INPP4B: variants seen among roughly 807,000 people sequenced by gnomAD.
The protein encoded by INPP4B is inositol polyphosphate 4-phosphatase type II.
INPP4B carries 55 observed loss-of-function variants against 122.5 expected under a neutral mutation model. The ratio of observed to expected loss-of-function variants is 0.45; its 90% CI spans 0.36 to 0.56. The LOEUF (loss-of-function observed/expected upper bound fraction) is 0.56. INPP4B is among the 20% of genes least tolerant of loss of function. The probability of loss-of-function intolerance (pLI) is 0.00; values close to 1 mark genes in which losing one functional copy is unlikely to be tolerated. For missense variants in INPP4B, 1,000 were observed against 1,097.7 expected (o/e 0.91, Z 1.26); for synonymous variants, 403 against 388.7 (o/e 1.04, Z -0.43).
intron 1 of INPP4B, among the ~76,000 whole-genome samples, chr4:142,820,774 T>C (rs1780705688): frequency 6.6e-6 from 1 of 152,142 alleles, no homozygotes; most frequent in African/African-American, 2.4e-5. Flanking sequence ...ATGATTGCAA[T>C]GTATTGTAAC....
rs537076416 is a variant in INPP4B at position 142,264,679 on chromosome 4, T to C, written c.616-4115A>G. On this transcript the variant is annotated intron_variant, in intron 10 of 25. Coordinates refer to ENST00000262992, the MANE Select transcript of INPP4B (RefSeq NM_001101669.3). ...AAGAAAGAGTTTGGATTTTCACTTA[T>C]ATTTTATTCCATGCTCTGGAATTTA... Among the ~76,000 whole-genome samples the C allele has an allele frequency of 4.6e-5, 7 of 152,318 alleles. No individual in the cohort carries two copies. In the South Asian group the frequency reaches 8.3e-4, roughly 18 times the overall value.
At chr4:142,380,988 GA>G (rs1164233848) in intron 7 of INPP4B, among the ~76,000 whole-genome samples, 7 of 152,014 alleles carry the variant, frequency 4.6e-5, no homozygotes. Context: ...GGATGCATCA[GA>G]ATTTATTCAC....
At chr4:142,203,776 T>G (rs997503864) in intron 14 of INPP4B, among the ~76,000 whole-genome samples, 1 of 152,034 alleles carries the variant, frequency 6.6e-6, no homozygotes, top group Non-Finnish European at 1.5e-5. Flanking sequence ...TTTGCAAAGC[T>G]TCCTCTCCAA....
chr4:142,698,799 T>C (rs1761343499), intron 2 of INPP4B, among the ~76,000 whole-genome samples: 1 of 152,202 alleles, frequency 6.6e-6, no homozygotes, highest in Non-Finnish European at 1.5e-5. Context: ...ATCCGTGTTC[T>C]TAGCTCAGCA....
chr4:142,132,032 C>G (rs550413344), intron 18 of INPP4B, among the ~76,000 whole-genome samples: 1 of 151,608 alleles, frequency 6.6e-6, no homozygotes, highest in African/African-American at 2.4e-5. Context: ...TCCTCTATCT[C>G]GGTTTCTCTG....
At chr4:142,738,391 T>C (rs1445734708) in intron 1 of INPP4B, among the ~76,000 whole-genome samples, 1 of 151,938 alleles carries the variant, frequency 6.6e-6, no homozygotes, top group Non-Finnish European at 1.5e-5. Flanking sequence ...TTGTCACTCA[T>C]AGGTGGGAAT....
chr4:142,203,614 GA>G (rs1212350099), intron 14 of INPP4B, among the ~76,000 whole-genome samples: 3 of 151,994 alleles, frequency 2.0e-5, no homozygotes, highest in Non-Finnish European at 4.4e-5. Context: ...GAATAAGGAT[GA>G]AAAACTTAAC....
At chr4:142,545,348 G>A (rs1446058070) in intron 2 of INPP4B, among the ~76,000 whole-genome samples, 1 of 151,966 alleles carries the variant, frequency 6.6e-6, no homozygotes, top group Non-Finnish European at 1.5e-5. Context: ...AACCCTATGA[G>A]GTAGGTAATG....
At chr4:142,682,343 C>A (rs1758743720) in intron 2 of INPP4B, among the ~76,000 whole-genome samples, 1 of 151,686 alleles carries the variant, frequency 6.6e-6, no homozygotes, top group Non-Finnish European at 1.5e-5. Context: ...TAAGCTTGAA[C>A]ACGGATTATA....
intron 1 of INPP4B, among the ~76,000 whole-genome samples, chr4:142,787,277 G>A (rs1279938589): frequency 6.6e-6 from 1 of 152,114 alleles, no homozygotes; most frequent in African/African-American, 2.4e-5. Context: ...GAGGCCTAGT[G>A]AGAGGGGATT....
intron 22 of INPP4B, among the ~76,000 whole-genome samples, chr4:142,110,035 T>TA (rs1042519634): frequency 6.6e-6 from 1 of 152,142 alleles, no homozygotes; most frequent in African/African-American, 2.4e-5. Flanking sequence ...AACTGGTATT[T>TA]AAAAAATACC....
chr4:142,534,827 G>A (rs909343846), intron 2 of INPP4B, among the ~76,000 whole-genome samples: 6 of 151,478 alleles, frequency 4.0e-5, no homozygotes, highest in African/African-American at 7.3e-5. Flanking sequence ...TCCTTTTTAC[G>A]TTTTTATGAC....
chr4:142,230,420 T>TCA (rs1853691330), intron 12 of INPP4B, among the ~76,000 whole-genome samples: 1 of 151,650 alleles, frequency 6.6e-6, no homozygotes, highest in Non-Finnish European at 1.5e-5. Context: ...CTGAGGCAGG[T>TCA]GGATCACCTG....
chr4:142,789,683 AT>A (rs1271346404), intron 1 of INPP4B, among the ~76,000 whole-genome samples: 1 of 152,160 alleles, frequency 6.6e-6, no homozygotes, highest in Non-Finnish European at 1.5e-5. Flanking sequence ...TATAAATTCA[AT>A]GCAATTCCCA....
intron 16 of INPP4B, among the ~76,000 whole-genome samples, chr4:142,165,462 A>G (rs1294219994): frequency 6.6e-6 from 1 of 151,724 alleles, no homozygotes; most frequent in African/African-American, 2.4e-5. Context: ...TTACAATGTT[A>G]TCAAAGGCCA....
At chr4:142,840,138 G>C (rs186866132) in intron 1 of INPP4B, among the ~76,000 whole-genome samples, 5 of 152,206 alleles carry the variant, frequency 3.3e-5, no homozygotes, top group Admixed American at 2.0e-4. Context: ...ATAAATTATA[G>C]TACTATATGG....
chr4:142,103,913 A>T (rs894761236), intron 23 of INPP4B, among the ~76,000 whole-genome samples: 4 of 152,034 alleles, frequency 2.6e-5, no homozygotes, highest in African/African-American at 9.7e-5. Context: ...ATCCTTATTG[A>T]TGTAGTTGAT....
At chr4:142,139,128 C>T (rs149375718) in intron 18 of INPP4B, among the ~76,000 whole-genome samples, 52 of 152,216 alleles carry the variant, frequency 3.4e-4, no homozygotes, top group Non-Finnish European at 5.7e-4. Flanking sequence ...CATGACTGAA[C>T]GTGTTCCTGG....
At chr4:142,122,519 T>G (rs1329492626) in intron 20 of INPP4B, among the ~76,000 whole-genome samples, 2 of 152,070 alleles carry the variant, frequency 1.3e-5, no homozygotes, top group African/African-American at 4.8e-5. Flanking sequence ...AACCCCTTTG[T>G]GATTTGTGCA....
Sources: allele counts gnomAD v4.1 joint callset (sites outside exome capture counted in the v4.1 genomes callset), GRCh38; gene constraint gnomAD v4.1.1; transcripts MANE v1.5; gene names NCBI Gene and HGNC (gene_info 2026-07-23, HGNC 2026-07-21).